The following ESR1 variants were observed in gnomAD, a reference collection of about 807,000 sequenced individuals.
ESR1 encodes estrogen receptor.
In ESR1, 12 loss-of-function variants were observed where a neutral mutation model predicts 52.7. The ratio of observed to expected loss-of-function variants is 0.23; its 90% CI spans 0.15 to 0.37. The LOEUF is 0.37. Ranked by LOEUF, ESR1 falls within the 10% of genes least tolerant of loss-of-function variation. The pLI is 1.00. For synonymous variants in ESR1, 305 were observed against 316.8 expected, an observed-to-expected ratio of 0.96 and a Z score of 0.39; for missense variants, 584 against 779.7, an observed-to-expected ratio of 0.75 and a Z score of 2.99.
chr6:151,853,851 C>T lies in ESR1; in HGVS notation c.643+11064C>T, dbSNP rs1787334389. The stretch of plus-strand genomic sequence containing the variant: ...CCATTAAAGTAGTAGAGTTTGTGCC[C>T]ACATATGGTTGTTAAGCTCATCAAC... On this transcript the variant is annotated intron_variant, in intron 2 of 7. Transcript: ENST00000206249. Among the ~76,000 whole-genome samples, 4 of 152,226 alleles carry T rather than the reference C, an allele frequency of 2.6e-5. No homozygotes were observed. In the South Asian group the frequency reaches 8.3e-4, roughly 32 times the overall value.
intron 2 of ESR1, among the ~76,000 whole-genome samples, chr6:151,756,418 T>G (rs1262690152): frequency 6.6e-6 from 1 of 152,142 alleles, no homozygotes; most frequent in African/African-American, 2.4e-5. Context: ...TGGCTAATTT[T>G]TGTATTTTTA....
intron 5 of ESR1, among the ~76,000 whole-genome samples, chr6:152,054,718 A>G (rs2046963336): frequency 6.6e-6 from 1 of 152,104 alleles, no homozygotes; most frequent in African/African-American, 2.4e-5. Context: ...GAGCTAGATT[A>G]CTCAATATTC....
At chr6:151,899,312 ACCTC>A (rs1183205236) in intron 3 of ESR1, among the ~76,000 whole-genome samples, 1 of 81,298 alleles carries the variant, frequency 1.2e-5, no homozygotes, top group East Asian at 4.1e-4. Context: ...TGACCCCCCC[ACCTC>A]CCTCCCGGAC....
intron 2 of ESR1, among the ~76,000 whole-genome samples, chr6:151,735,897 A>G (rs1476852143): frequency 6.6e-6 from 1 of 152,150 alleles, no homozygotes; most frequent in East Asian, 1.9e-4. Flanking sequence ...TGAGTGAGTT[A>G]TCATGACGTC....
At chr6:152,052,792 C>T (rs1380737163) in intron 5 of ESR1, among the ~76,000 whole-genome samples, 2 of 152,020 alleles carry the variant, frequency 1.3e-5, no homozygotes, top group East Asian at 3.9e-4. Flanking sequence ...GGTGGTGATC[C>T]AAGCAGACAG....
upstream of ESR1, among the ~76,000 whole-genome samples, chr6:151,801,514 A>C (rs968844526): frequency 6.6e-6 from 1 of 152,190 alleles, no homozygotes; most frequent in Admixed American, 6.5e-5. Context: ...CCTGGGTGGG[A>C]AGCCAGGAAA....
At chr6:151,801,640 C>T (rs1039657721), upstream of ESR1, among the ~76,000 whole-genome samples, 3 of 152,182 alleles carry the variant, frequency 2.0e-5, no homozygotes, top group Admixed American at 1.3e-4. Flanking sequence ...TGTTTAAAAA[C>T]ATGTTAAAGA....
intron 5 of ESR1, among the ~76,000 whole-genome samples, chr6:152,044,310 C>T (rs1409405723): frequency 6.6e-6 from 1 of 152,196 alleles, no homozygotes; most frequent in Non-Finnish European, 1.5e-5. Context: ...TAGCAGCCAA[C>T]TCCAGAAACC....
At chr6:151,765,447 A>G (rs1784973970) in intron 2 of ESR1, among the ~76,000 whole-genome samples, 2 of 152,260 alleles carry the variant, frequency 1.3e-5, no homozygotes, top group Admixed American at 6.5e-5. Context: ...TAGCCACATG[A>G]AAGCTGTATT....
intron 5 of ESR1, 48 bp downstream of exon 5, chr6:152,011,842 T>C: frequency 6.3e-7 from 1 of 1,597,598 alleles, no homozygotes; most frequent in Non-Finnish European, 8.6e-7. Context: ...TTTACGATCA[T>C]AGTTCATTCA....
intron 2 of ESR1, among the ~76,000 whole-genome samples, chr6:151,759,268 C>CA (rs984171376): frequency 0.24 from 15,575 of 65,410 alleles, 2,037 homozygotes; most frequent in African/African-American, 0.43. Context: ...GACTCTGTCT[C>CA]AAAAAAAAAA....
chr6:151,706,687 A>G (rs1057025447), intron 2 of ESR1, among the ~76,000 whole-genome samples: 4 of 152,294 alleles, frequency 2.6e-5, no homozygotes, highest in Admixed American at 6.5e-5. Context: ...CTAGGGTTTC[A>G]GCTGATATCC....
chr6:151,678,981 A>G (rs898102524), intron 1 of ESR1, among the ~76,000 whole-genome samples: 1 of 152,160 alleles, frequency 6.6e-6, no homozygotes, highest in Admixed American at 6.5e-5. Flanking sequence ...CACCACACCC[A>G]GCCACCACTG....
chr6:151,797,859 T>A (rs538781009), intron 2 of ESR1, among the ~76,000 whole-genome samples: 3 of 152,356 alleles, frequency 2.0e-5, no homozygotes, highest in Admixed American at 1.3e-4. Context: ...TTCTTTTTTG[T>A]ATTTTATCAG....
chr6:151,677,804 T>A (rs886275049), intron 1 of ESR1, among the ~76,000 whole-genome samples: 2 of 152,168 alleles, frequency 1.3e-5, no homozygotes, highest in Non-Finnish European at 2.9e-5. Context: ...GAAGCAGAGT[T>A]TGCAAAGGGA....
chr6:151,748,519 C>G (rs906534314), intron 2 of ESR1, among the ~76,000 whole-genome samples: 1 of 152,086 alleles, frequency 6.6e-6, no homozygotes, highest in African/African-American at 2.4e-5. Context: ...TGGTTTTGCT[C>G]TTATAAGTAA....
chr6:151,915,606 A>G (rs2029905262), intron 3 of ESR1, among the ~76,000 whole-genome samples: 1 of 152,222 alleles, frequency 6.6e-6, no homozygotes, highest in African/African-American at 2.4e-5. Context: ...GACTTCAGAA[A>G]AATCAAATGA....
intron 3 of ESR1, among the ~76,000 whole-genome samples, chr6:151,937,243 A>G (rs752204578): frequency 1.3e-4 from 20 of 152,192 alleles, no homozygotes; most frequent in Non-Finnish European, 5.9e-5. Context: ...CAATATAAAA[A>G]ATACATATAA....
chr6:151,867,115 C>T (rs574055491), intron 2 of ESR1, among the ~76,000 whole-genome samples: 1 of 152,194 alleles, frequency 6.6e-6, no homozygotes, highest in South Asian at 2.1e-4. Context: ...AAAATTAACT[C>T]AAGATGGATT....
Sources: allele counts gnomAD v4.1 joint callset (sites outside exome capture counted in the v4.1 genomes callset), GRCh38; gene constraint gnomAD v4.1.1; transcripts MANE v1.5; gene names NCBI Gene and HGNC (gene_info 2026-07-23, HGNC 2026-07-21).